Variants in CAMTA1 observed in about 807,000 individuals in gnomAD.
CAMTA1 encodes the protein calmodulin binding transcription activator 1, also known as calmodulin-binding transcription activator 1.
In CAMTA1, 27 loss-of-function variants were observed where a neutral mutation model predicts 170.9. The ratio of observed to expected loss-of-function variants is 0.16; its 90% CI spans 0.12 to 0.22. The LOEUF is 0.22. Among genes scored for constraint, CAMTA1 ranks in the 10% least tolerant of loss-of-function variants. The probability of loss-of-function intolerance (pLI) is 1.00; values close to 1 mark genes in which losing one functional copy is unlikely to be tolerated. For missense variants in CAMTA1, 1,619 were observed against 2,217.2 expected, an observed-to-expected ratio of 0.73 and a Z score of 5.42; for synonymous variants, 833 against 891.5, an observed-to-expected ratio of 0.93 and a Z score of 1.17.
intron 5 of CAMTA1, among the ~76,000 whole-genome samples, chr1:7,351,307 G>C (rs773952185): frequency 2.4e-4 from 36 of 152,242 alleles, no homozygotes; most frequent in Non-Finnish European, 4.1e-4. Context: ...ACGCACTCAG[G>C]AGCTGGAAAT....
At chr1:6,943,251 A>G (rs1016917320) in intron 3 of CAMTA1, among the ~76,000 whole-genome samples, 9 of 151,416 alleles carry the variant, frequency 5.9e-5, no homozygotes, top group Non-Finnish European at 1.2e-4. Flanking sequence ...CGTCCAGGAC[A>G]CCATGGTTCC....
chr1:7,514,817 G>T (rs1268741805), intron 6 of CAMTA1, among the ~76,000 whole-genome samples: 1 of 152,142 alleles, frequency 6.6e-6, no homozygotes, highest in Non-Finnish European at 1.5e-5. Context: ...GTTCCATTCG[G>T]GGCCCAAGAG....
chr1:6,897,315 G>A lies in CAMTA1; in HGVS notation c.234+72105G>A, dbSNP rs186791773. Reference sequence around the variant, plus strand: ...GGTCTTGTGTGCAAGAAGCATGTAAGCACAGCAGATTGTGTTCCCATGGTG... The same window carrying A: ...GGTCTTGTGTGCAAGAAGCATGTAAACACAGCAGATTGTGTTCCCATGGTG... On this transcript the variant is annotated intron_variant, in intron 3 of 22. Coordinates refer to ENST00000303635, the MANE Select transcript of CAMTA1 (RefSeq NM_015215.4). Among the ~76,000 whole-genome samples, 296 of 152,286 alleles carry A rather than the reference G, an allele frequency of 1.9e-3. 1 individual carries two copies. The highest frequency in any genetic ancestry group is 6.9e-3 in the African/African-American group (285 of 41,562).
chr1:7,480,802 C>G (rs2796482), intron 6 of CAMTA1, among the ~76,000 whole-genome samples: 58,094 of 151,974 alleles, frequency 0.38, 11,585 homozygotes, highest in Middle Eastern at 0.52. Flanking sequence ...GGCCCCAGTG[C>G]CAACTGTATG....
intron 3 of CAMTA1, among the ~76,000 whole-genome samples, chr1:6,826,339 TCAGA>T (rs1489768491): frequency 3.3e-5 from 5 of 152,224 alleles, no homozygotes; most frequent in African/African-American, 1.2e-4. Context: ...CATTTTCCCG[TCAGA>T]CAGAATGTTT....
At chr1:7,475,615 C>T (rs2093408148) in intron 6 of CAMTA1, among the ~76,000 whole-genome samples, 1 of 152,134 alleles carries the variant, frequency 6.6e-6, no homozygotes, top group Non-Finnish European at 1.5e-5. Context: ...CCGAGGTGCC[C>T]CTATACACGC....
intron 3 of CAMTA1, among the ~76,000 whole-genome samples, chr1:6,845,517 T>C (rs1657742748): frequency 6.6e-6 from 1 of 152,228 alleles, no homozygotes; most frequent in Non-Finnish European, 1.5e-5. Context: ...TTAAAAAATA[T>C]ACTTTAAGTG....
intron 3 of CAMTA1, among the ~76,000 whole-genome samples, chr1:7,025,598 A>G (rs1219947896): frequency 1.3e-5 from 2 of 152,164 alleles, no homozygotes; most frequent in African/African-American, 4.8e-5. Context: ...GAGAAAGCTG[A>G]ATAATTCAGA....
rs74581498 is a variant in CAMTA1 at position 7,678,615 on chromosome 1, G to A, written c.2914+882G>A. On this transcript the variant is annotated intron_variant, in intron 11 of 22. Transcript: ENST00000303635. ...CGTCAGGAGGCCCAGAGCTAGCCAAGGCCTGGGGGGCTGAGCCCAGTACAC... is the reference window on the plus strand; with the variant it reads ...CGTCAGGAGGCCCAGAGCTAGCCAAAGCCTGGGGGGCTGAGCCCAGTACAC... Among the ~76,000 whole-genome samples, 766 of 152,302 alleles carry A rather than the reference G, an allele frequency of 5.0e-3. 4 individuals carry two copies. Among genetic ancestry groups the A allele is most frequent in the African/African-American group, 0.017 (705 of 41,554 alleles).
In CAMTA1 at chr1:7,704,152, T is replaced by C. The variant is rs575610634; in HGVS notation, c.2914+26419T>C. Among the ~76,000 whole-genome samples the C allele has an allele frequency of 2.6e-3, 384 of 150,434 alleles. 2 individuals are homozygous for C. Among genetic ancestry groups the C allele is most frequent in the African/African-American group, 8.8e-3 (363 of 41,346 alleles). On this transcript the variant is annotated intron_variant, in intron 11 of 22. Transcript: ENST00000303635. ...GCGCCGGCTCCTCCCGCCGGCTGCATTGCAGACGCCGCCGCCGCAGGGCGC... is the reference window on the plus strand; with the variant it reads ...GCGCCGGCTCCTCCCGCCGGCTGCACTGCAGACGCCGCCGCCGCAGGGCGC...
At chr1:7,139,739 T>G (rs1645784164) in intron 4 of CAMTA1, among the ~76,000 whole-genome samples, 1 of 152,174 alleles carries the variant, frequency 6.6e-6, no homozygotes, top group Non-Finnish European at 1.5e-5. Flanking sequence ...AGCGGATGGT[T>G]GTTGGGTGGA....
chr1:7,278,162 T>G (rs1467585278), intron 5 of CAMTA1, among the ~76,000 whole-genome samples: 1 of 152,208 alleles, frequency 6.6e-6, no homozygotes, highest in East Asian at 1.9e-4. Context: ...GCTGTGTTAA[T>G]TTACAACTGC....
At chr1:7,615,405 C>G (rs2150719634) in intron 6 of CAMTA1, among the ~76,000 whole-genome samples, 1 of 152,348 alleles carries the variant, frequency 6.6e-6, no homozygotes, top group South Asian at 2.1e-4. Context: ...GGCTTTGGAG[C>G]AGGCTGCTTG....
rs532274756 is a variant in CAMTA1 at position 6,923,066 on chromosome 1, G to A, written c.234+97856G>A. On this transcript the variant is annotated intron_variant, in intron 3 of 22. Transcript: ENST00000303635. ...CTAGTTGAGATGATGAATTAAAGTC[G>A]ATTTAGATAAATGATCAGTAAAAGA... Among the ~76,000 whole-genome samples, 211 of 152,220 alleles carry A rather than the reference G, an allele frequency of 1.4e-3. 2 individuals carry two copies. The highest frequency in any genetic ancestry group is 2.4e-3 in the Non-Finnish European group (166 of 68,008).
intron 3 of CAMTA1, among the ~76,000 whole-genome samples, chr1:6,969,302 C>T (rs547887614): frequency 1.2e-4 from 19 of 152,260 alleles, no homozygotes; most frequent in Non-Finnish European, 2.4e-4. Context: ...TTTGTGGAGG[C>T]GGCAGCGGGA....
Position 6,941,564 on chromosome 1 carries a change from G to T in CAMTA1, c.234+116354G>T, listed in dbSNP as rs548123997. Among the ~76,000 whole-genome samples, 29 of 152,288 alleles carry T rather than the reference G, an allele frequency of 1.9e-4. No individual in the cohort carries two copies. In the South Asian group the frequency reaches 5.4e-3, roughly 28 times the overall value. On this transcript the variant is annotated intron_variant, in intron 3 of 22. Coordinates refer to ENST00000303635, the MANE Select transcript of CAMTA1 (RefSeq NM_015215.4). ...CCAGAAAACACATCAGGGAGGGTGG[G>T]GCTCCAGTCAGCCCAGTGTTAATGA... is the stretch of plus-strand genomic sequence containing the variant.
chr1:7,541,772 G>A (rs2094613965), intron 6 of CAMTA1, among the ~76,000 whole-genome samples: 1 of 152,224 alleles, frequency 6.6e-6, no homozygotes, highest in African/African-American at 2.4e-5. Context: ...AGGCACCAGG[G>A]TGGTCACCCA....
At chr1:7,005,161 A>G (rs1698800505) in intron 3 of CAMTA1, among the ~76,000 whole-genome samples, 1 of 152,246 alleles carries the variant, frequency 6.6e-6, no homozygotes, top group South Asian at 2.1e-4. Flanking sequence ...ACCTAGGTGG[A>G]CCAACTGTGA....
At chr1:6,998,506 C>T (rs993190413) in intron 3 of CAMTA1, among the ~76,000 whole-genome samples, 1 of 152,166 alleles carries the variant, frequency 6.6e-6, no homozygotes, top group Non-Finnish European at 1.5e-5. Context: ...GCTCCTCAGT[C>T]ACCAGAGGGA....
Sources: gnomAD v4.1 joint callset for allele counts (sites outside exome capture counted in the v4.1 genomes callset) on GRCh38, gnomAD v4.1.1 for gene constraint, MANE v1.5 for transcripts, NCBI Gene and HGNC (gene_info 2026-07-23, HGNC 2026-07-21) for gene names.